Variants in CENPK observed in about 807,000 individuals in gnomAD.
CENPK encodes SoxLZ/Sox6-binding protein Solt.
CENPK carries 46 observed loss-of-function variants against 40.9 expected under a neutral mutation model. The observed-to-expected ratio is 1.13, with a 90% CI of 0.89 to 1.44. The LOEUF is 1.44. Among genes scored for constraint, CENPK ranks in the 40% most tolerant of loss-of-function variants. The pLI, the probability that CENPK is intolerant of heterozygous loss-of-function variation, is 0.00. For synonymous variants in CENPK, 107 were observed against 104.4 expected (o/e 1.02, Z -0.15); for missense variants, 288 against 303.5 (o/e 0.95, Z 0.38).
chr5:65,547,936 T>A (rs181166718), intron 5 of CENPK, among the ~76,000 whole-genome samples: 1 of 152,234 alleles, frequency 6.6e-6, no homozygotes, highest in East Asian at 1.9e-4. Context: ...AGTGCTGGGA[T>A]TACAGGCATG....
the CENPK span, among the ~76,000 whole-genome samples, chr5:65,505,450 T>C: frequency 6.6e-6 from 1 of 152,150 alleles, no homozygotes; most frequent in African/African-American, 2.4e-5. Context: ...CTGGACAACA[T>C]GGTAATACCT....
intron 8 of CENPK, 134 bp downstream of exon 8, chr5:65,528,785 T>A: frequency 1.1e-6 from 1 of 884,704 alleles, no homozygotes; most frequent in South Asian, 2.1e-5. Flanking sequence ...AAAGATCATA[T>A]AATAGCTAAT....
the CENPK span, among the ~76,000 whole-genome samples, chr5:65,500,812 A>G: frequency 1.1e-4 from 16 of 152,050 alleles, no homozygotes; most frequent in African/African-American, 3.6e-4. Context: ...ACAGGTACAC[A>G]CCACCATGCC....
At chr5:65,531,418 T>TC (rs929559390) in intron 6 of CENPK, among the ~76,000 whole-genome samples, 2 of 151,068 alleles carry the variant, frequency 1.3e-5, no homozygotes, top group African/African-American at 4.9e-5. Context: ...TTTTTTTTTT[T>TC]CATCCCCCAA....
chr5:65,556,755 GT>G (rs1215211693), intron 2 of CENPK, among the ~76,000 whole-genome samples: 1 of 152,150 alleles, frequency 6.6e-6, no homozygotes, highest in Non-Finnish European at 1.5e-5. Flanking sequence ...GCAACTTCTA[GT>G]CCTATAAGCT....
intron 6 of CENPK, among the ~76,000 whole-genome samples, chr5:65,540,212 C>T (rs190408182): frequency 6.6e-6 from 1 of 152,322 alleles, no homozygotes; most frequent in Admixed American, 6.5e-5. Flanking sequence ...TAACTTCCCA[C>T]ATTTTACTAT....
intron 6 of CENPK, chr5:65,541,510 G>A: frequency 2.2e-6 from 1 of 449,064 alleles, no homozygotes; most frequent in South Asian, 1.6e-5. Flanking sequence ...TGTATTGAGT[G>A]GTGACGGAGA....
In CENPK at chr5:65,528,961, T is replaced by G; in HGVS notation, c.428A>C (p.His143Pro). 1 of 1,608,090 alleles carries G rather than the reference T, an allele frequency of 6.2e-7. No homozygotes were observed. Among genetic ancestry groups the G allele is most frequent in the South Asian group, 1.1e-5 (1 of 90,126 alleles). The change falls in exon 8 of 11, where the codon CAC becomes CCC. Residue 143 changes from histidine (H) to proline (P), a missense_variant. Coordinates refer to ENST00000396679, the MANE Select transcript of CENPK (RefSeq NM_022145.5). ...TTCAACCTTATTTTTCAATTCACTG[T>G]GTAGTACATTAAGAGATTCCATTAT... ...QQIMESLNVL[H>P]SELKNKVETF...
chr5:65,535,054 A>G (rs766641373), intron 6 of CENPK, among the ~76,000 whole-genome samples: 35 of 152,104 alleles, frequency 2.3e-4, no homozygotes, highest in Non-Finnish European at 4.4e-4. Flanking sequence ...CATCTCTACA[A>G]AAAAATACAA....
At chr5:65,539,704 G>A (rs956165029) in intron 6 of CENPK, among the ~76,000 whole-genome samples, 6 of 152,220 alleles carry the variant, frequency 3.9e-5, no homozygotes, top group African/African-American at 1.2e-4. Flanking sequence ...TCACAGTATC[G>A]CTGTGCCTGG....
At chr5:65,514,236 T>TTTTTTTTTTA, downstream of CENPK, among the ~76,000 whole-genome samples, 1 of 16,868 alleles carries the variant, frequency 5.9e-5, no homozygotes, top group Non-Finnish European at 1.6e-4. Context: ...TAATCTTTTT[T>TTTTTTTTTTA]TTTTTTTTTT....
chr5:65,551,896 T>C (rs887982632), intron 4 of CENPK, among the ~76,000 whole-genome samples: 15 of 152,074 alleles, frequency 9.9e-5, no homozygotes, highest in Non-Finnish European at 1.5e-4. Context: ...CAATTCAGAT[T>C]CGACACAGAT....
chr5:65,551,249 C>CAA (rs58442174), intron 5 of CENPK: 33,878 of 111,078 alleles, frequency 0.3, 5,323 homozygotes, highest in East Asian at 0.52. Context: ...GACCCTGTCT[C>CAA]AAAAAAAAAA....
At chr5:65,508,232 C>T in the CENPK span, among the ~76,000 whole-genome samples, 1 of 152,162 alleles carries the variant, frequency 6.6e-6, no homozygotes, top group African/African-American at 2.4e-5. Flanking sequence ...TAGCACACTT[C>T]AGAAGACGCT....
chr5:65,561,613 CACA>C (rs1363315961), intron 1 of CENPK, 49 bp from the exon 2 acceptor site: 10 of 417,334 alleles, frequency 2.4e-5, no homozygotes, highest in Non-Finnish European at 4.9e-5. Context: ...CACACACACA[CACA>C]CACTTAAGAG....
chr5:65,526,823 T>C (rs921905256), intron 9 of CENPK, among the ~76,000 whole-genome samples: 10 of 152,142 alleles, frequency 6.6e-5, no homozygotes, highest in African/African-American at 2.4e-4. Flanking sequence ...TCAGGTGTGG[T>C]GGTTCACACC....
Position 65,518,367 on chromosome 5 carries a change from G to A in CENPK, c.*108C>T. 1 of 608,012 alleles carries A rather than the reference G, an allele frequency of 1.6e-6. No individual in the cohort carries two copies. Among genetic ancestry groups the A allele is most frequent in the South Asian group, 3.3e-5 (1 of 29,986 alleles). 37.7% of individuals were successfully genotyped at this position (608,012 alleles called of 1,614,324 possible). On this transcript the variant is annotated 3_prime_UTR_variant, in exon 11 of 11. Coordinates refer to ENST00000396679, the MANE Select transcript of CENPK (RefSeq NM_022145.5). Reference sequence around the variant, plus strand: ...GCCATTTTGCAATAAAAGTAAGATGGCCTATGCGCATTAATTTGCAAATAA... The same window carrying A: ...GCCATTTTGCAATAAAAGTAAGATGACCTATGCGCATTAATTTGCAAATAA...
chr5:65,543,058 G>A, intron 5 of CENPK, among the ~76,000 whole-genome samples: 1 of 152,050 alleles, frequency 6.6e-6, no homozygotes, highest in South Asian at 2.1e-4. Flanking sequence ...CCACCTCCCT[G>A]GTTCAAACAA....
At chr5:65,537,647 C>T (rs2150420325) in intron 6 of CENPK, among the ~76,000 whole-genome samples, 1 of 152,314 alleles carries the variant, frequency 6.6e-6, no homozygotes, top group Admixed American at 6.5e-5. Flanking sequence ...TGATGCTCTG[C>T]AATAGCAGAA....
Sources: allele counts gnomAD v4.1 joint callset (sites outside exome capture counted in the v4.1 genomes callset), GRCh38; gene constraint gnomAD v4.1.1; transcripts MANE v1.5; gene names NCBI Gene and HGNC (gene_info 2026-07-23, HGNC 2026-07-21).